Variants in CFAP61 observed in about 807,000 individuals in gnomAD.
CFAP61 encodes cilia- and flagella-associated protein 61.
Under a neutral mutation model 135.6 loss-of-function variants are expected in CFAP61, and 107 were observed. The ratio of observed to expected loss-of-function variants is 0.79; its 90% CI spans 0.67 to 0.93. The LOEUF (loss-of-function observed/expected upper bound fraction) is 0.93, where lower values mean the gene tolerates loss of function less well. CFAP61 is among the 40% of genes least tolerant of loss of function. The probability of loss-of-function intolerance (pLI) is 0.00; values close to 1 mark genes in which losing one functional copy is unlikely to be tolerated. For missense variants in CFAP61, 1,507 were observed against 1,556.2 expected, an observed-to-expected ratio of 0.97 and a Z score of 0.53; for synonymous variants, 575 against 578.5, an observed-to-expected ratio of 0.99 and a Z score of 0.09.
chr20:20,340,940 C>A (rs559441762), intron 25 of CFAP61, among the ~76,000 whole-genome samples: 14 of 152,254 alleles, frequency 9.2e-5, no homozygotes, highest in African/African-American at 3.4e-4. Flanking sequence ...TCCTCTAGTG[C>A]CCCCGTGGCC....
At position 20,216,067 on chromosome 20, in the gene CFAP61, C is replaced by T. The variant is rs1051597920; in HGVS notation, c.1933-12182C>T. Among the ~76,000 whole-genome samples, 5 of 152,124 alleles carry T rather than the reference C, an allele frequency of 3.3e-5. No homozygotes were observed. The East Asian group carries it at 5.8e-4, about 18-fold the overall frequency. The stretch of plus-strand genomic sequence containing the variant: ...ACCTTTGCTTGCCTGGCAAAGGTGA[C>T]GATTTTATAGCCCCAGCAGTCATGC... On this transcript the variant is annotated intron_variant, in intron 17 of 26. Coordinates refer to ENST00000245957, the MANE Select transcript of CFAP61 (RefSeq NM_015585.4).
chr20:20,228,288 T>C lies in CFAP61; in HGVS notation c.1972T>C (p.Leu658=), dbSNP rs1479020442. Residue 658 remains leucine (L), a synonymous_variant, in exon 18 of 27, where the codon TTG becomes CTG. Transcript: ENST00000245957. ...AAACCATACAAACAGAAAACTAACA[T>C]TGGAACCTAAAATTACTGTCAATGC... is the stretch of plus-strand genomic sequence containing the variant. ...ALNHTNRKLT[L]EPKITVNAKI... 2.5e-6 allele frequency: 4 copies of C among 1,611,310 alleles called. No homozygotes were observed. Among genetic ancestry groups the C allele is most frequent in the African/African-American group, 2.7e-5 (2 of 74,906 alleles).
intron 8 of CFAP61, among the ~76,000 whole-genome samples, chr20:20,117,050 CT>C (rs1568938531): frequency 6.6e-6 from 1 of 152,056 alleles, no homozygotes; most frequent in African/African-American, 2.4e-5. Context: ...TTATTGATGC[CT>C]TCGTCAAAAA....
At chr20:20,342,627 G>A (rs546324420) in intron 26 of CFAP61, among the ~76,000 whole-genome samples, 3 of 152,136 alleles carry the variant, frequency 2.0e-5, no homozygotes, top group Non-Finnish European at 4.4e-5. Flanking sequence ...CTTCTACCTC[G>A]TGTTACCGTC....
At chr20:20,105,665 TC>T (rs11087304) in intron 8 of CFAP61, among the ~76,000 whole-genome samples, 71,159 of 151,518 alleles carry the variant, frequency 0.47, 16,833 homozygotes, top group South Asian at 0.55. Context: ...GGAGTCTCGC[TC>T]TGTCGCCCAG....
intron 21 of CFAP61, chr20:20,265,571 C>T: frequency 1.3e-6 from 1 of 763,586 alleles, no homozygotes. Context: ...CTTTTGTCCA[C>T]CAAATAGCCA....
chr20:20,103,709 T>C (rs947900618), intron 8 of CFAP61, among the ~76,000 whole-genome samples: 2 of 152,240 alleles, frequency 1.3e-5, no homozygotes, highest in Admixed American at 6.5e-5. Context: ...ACAATATTTT[T>C]TCCAGTTGGC....
At chr20:20,100,808 ACG>A (rs945200298) in intron 8 of CFAP61, among the ~76,000 whole-genome samples, 81 of 152,336 alleles carry the variant, frequency 5.3e-4, no homozygotes, top group African/African-American at 1.9e-3. Context: ...TTAAAAACAT[ACG>A]TAAGCTAGTA....
intron 25 of CFAP61, among the ~76,000 whole-genome samples, chr20:20,320,183 G>C (rs937818844): frequency 6.7e-6 from 1 of 149,678 alleles, no homozygotes; most frequent in African/African-American, 2.5e-5. Context: ...CACCCTATTT[G>C]GATCCTGATT....
intron 25 of CFAP61, among the ~76,000 whole-genome samples, chr20:20,311,312 T>G (rs755264738): frequency 6.6e-6 from 1 of 152,216 alleles, no homozygotes; most frequent in Non-Finnish European, 1.5e-5. Flanking sequence ...TGTTGTGGAA[T>G]TCTATAACTT....
At chr20:20,125,887 G>A (rs2050029887) in intron 8 of CFAP61, among the ~76,000 whole-genome samples, 1 of 151,600 alleles carries the variant, frequency 6.6e-6, no homozygotes, top group Non-Finnish European at 1.5e-5. Flanking sequence ...AGTAAATTTG[G>A]GACCTCCAGT....
intron 6 of CFAP61, among the ~76,000 whole-genome samples, chr20:20,089,225 C>T (rs892267420): frequency 3.9e-5 from 6 of 152,182 alleles, no homozygotes; most frequent in East Asian, 1.9e-4. Context: ...GCTCATATCA[C>T]GGCTCTGCTG....
chr20:20,287,567 G>A (rs1303194292), intron 22 of CFAP61, among the ~76,000 whole-genome samples: 1 of 152,164 alleles, frequency 6.6e-6, no homozygotes. Flanking sequence ...ATGGGTGTGG[G>A]GCAGGAATAC....
chr20:20,228,503 G>C, intron 18 of CFAP61, 127 bp downstream of exon 18: 1 of 718,420 alleles, frequency 1.4e-6, no homozygotes. Flanking sequence ...CTGCCTATGT[G>C]GATGGATGAA....
At chr20:20,305,552 G>A (rs533283592) in intron 25 of CFAP61, among the ~76,000 whole-genome samples, 3 of 152,138 alleles carry the variant, frequency 2.0e-5, no homozygotes, top group South Asian at 2.1e-4. Flanking sequence ...GGTGGTGGAT[G>A]GTAATTCTCC....
chr20:20,248,429 G>A (rs762946684), intron 19 of CFAP61, among the ~76,000 whole-genome samples: 19 of 152,042 alleles, frequency 1.2e-4, no homozygotes, highest in Non-Finnish European at 2.5e-4. Flanking sequence ...TGAACTTGTC[G>A]TTAACCATTG....
intron 26 of CFAP61, among the ~76,000 whole-genome samples, chr20:20,355,980 A>G (rs1406795667): frequency 8.7e-5 from 1 of 11,440 alleles, no homozygotes; most frequent in Admixed American, 2.3e-3. Flanking sequence ...TCACACTGTG[A>G]GGGGACGTCA....
chr20:20,077,630 A>G lies in CFAP61; in HGVS notation c.566+2015A>G, dbSNP rs186762869. Among the ~76,000 whole-genome samples the G allele has an allele frequency of 1.7e-3, 266 of 152,382 alleles. 2 individuals are homozygous for G. Among genetic ancestry groups the G allele is most frequent in the African/African-American group, 6.2e-3 (256 of 41,582 alleles). On this transcript the variant is annotated intron_variant, in intron 6 of 26. Transcript: ENST00000245957. ...GGTTTTATACATTTTAGGGAGATATAAGACACAAATCAATAAATGTAAGAT... is the reference window on the plus strand; with the variant it reads ...GGTTTTATACATTTTAGGGAGATATGAGACACAAATCAATAAATGTAAGAT...
At chr20:20,313,470 T>C (rs148725738) in intron 25 of CFAP61, among the ~76,000 whole-genome samples, 1 of 152,314 alleles carries the variant, frequency 6.6e-6, no homozygotes, top group Non-Finnish European at 1.5e-5. Context: ...AGAGGGTGTT[T>C]TGCTCTTTCC....
Sources: allele counts gnomAD v4.1 joint callset (sites outside exome capture counted in the v4.1 genomes callset), GRCh38; gene constraint gnomAD v4.1.1; transcripts MANE v1.5; gene names NCBI Gene and HGNC (gene_info 2026-07-23, HGNC 2026-07-21).